The following PLEK variants were observed in gnomAD, a reference collection of about 807,000 sequenced individuals.
PLEK encodes platelet 47 kDa protein.
In PLEK, 25 loss-of-function variants were observed where a neutral mutation model predicts 43.9. The ratio of observed to expected loss-of-function variants is 0.57; its 90% CI spans 0.41 to 0.79. PLEK has a LOEUF of 0.79. PLEK is among the 30% of genes least tolerant of loss of function. The pLI, the probability that PLEK is intolerant of heterozygous loss-of-function variation, is 0.00. For missense variants in PLEK, 396 were observed against 413.3 expected (o/e 0.96, Z 0.36); for synonymous variants, 152 against 144.4 (o/e 1.05, Z -0.38).
chr2:68,365,332 C>T lies in PLEK; in HGVS notation c.-20C>T, dbSNP rs370508175. The T allele has an allele frequency of 4.8e-5, 77 of 1,612,364 alleles. No homozygotes were observed. Among genetic ancestry groups the T allele is most frequent in the Non-Finnish European group, 6.4e-5 (76 of 1,178,628 alleles). On this transcript the variant is annotated 5_prime_UTR_variant, in exon 1 of 9. Transcript: ENST00000234313. ...AGGAGTTGCCTGAGAGTGACCTTTG[C>T]ATCTGCCTGTCCAGCCAGCATGGAA...
intron 8 of PLEK, 44 bp from the exon 9 acceptor site, chr2:68,395,636 T>C: frequency 6.2e-7 from 1 of 1,612,672 alleles, no homozygotes; most frequent in Non-Finnish European, 8.5e-7. Context: ...CAAGTGGTCT[T>C]TCTGATGCCT....
chr2:68,395,324 A>G (rs17035449), intron 8 of PLEK, among the ~76,000 whole-genome samples: 2,286 of 151,940 alleles, frequency 0.015, 116 homozygotes, highest in East Asian at 0.13. Context: ...AGCAGAGGGA[A>G]GGTACCCATT....
chr2:68,381,927 A>C (rs1025596863), intron 3 of PLEK, among the ~76,000 whole-genome samples: 2 of 152,176 alleles, frequency 1.3e-5, no homozygotes, highest in African/African-American at 4.8e-5. Flanking sequence ...GGCTATAGGG[A>C]GCCACAGGCT....
At chr2:68,379,835 G>A (rs1673576423) in intron 1 of PLEK, among the ~76,000 whole-genome samples, 3 of 152,146 alleles carry the variant, frequency 2.0e-5, no homozygotes, top group South Asian at 4.1e-4. Context: ...TCAGTATCAT[G>A]AACCAAGGAA....
Position 68,365,404 on chromosome 2 carries a change from G to T in PLEK, c.42+11G>T, listed in dbSNP as rs764730004. The T allele has an allele frequency of 1.2e-6, 2 of 1,611,968 alleles. No homozygotes were observed. ...TACCTTGTGAAGAAGGTGAGCGAAG[G>T]TGCCACTTACCAGGGTGTCAGTGGA... On this transcript the variant is annotated intron_variant, in intron 1 of 8. Coordinates refer to ENST00000234313, the MANE Select transcript of PLEK (RefSeq NM_002664.3).
At chr2:68,365,559 A>G (rs1558493934) in intron 1 of PLEK, 166 bp downstream of exon 1, 2 of 596,054 alleles carry the variant, frequency 3.4e-6, no homozygotes, top group East Asian at 6.0e-5. Flanking sequence ...GGGTTAGGGG[A>G]GTGGGGATAC....
intron 4 of PLEK, among the ~76,000 whole-genome samples, chr2:68,386,146 T>C (rs1467444920): frequency 6.6e-6 from 1 of 151,860 alleles, no homozygotes; most frequent in Non-Finnish European, 1.5e-5. Context: ...GGGTACATAT[T>C]TTTTGAGATG....
At chr2:68,365,622 G>C in intron 1 of PLEK, 1 of 488,860 alleles carries the variant, frequency 2.0e-6, no homozygotes, top group East Asian at 3.7e-5. Flanking sequence ...GAGAATTCCA[G>C]ATGGCAGGGC....
chr2:68,377,259 G>A (rs1049782470), intron 1 of PLEK, among the ~76,000 whole-genome samples: 10 of 152,112 alleles, frequency 6.6e-5, no homozygotes, highest in Admixed American at 1.3e-4. Flanking sequence ...TCCATATACC[G>A]ATTTCCTTTC....
chr2:68,380,390 C>G lies in PLEK; in HGVS notation c.105C>G (p.Phe35Leu). The G allele has an allele frequency of 6.2e-7, 1 of 1,613,388 alleles. No individual in the cohort carries two copies. Among genetic ancestry groups the G allele is most frequent in the Non-Finnish European group, 8.5e-7 (1 of 1,179,340 alleles). The change falls in exon 2 of 9, where the codon TTC becomes TTG. Residue 35 changes from phenylalanine to leucine, a missense_variant. By Grantham distance (22) the Phe-to-Leu change is conservative. Coordinates refer to ENST00000234313, the MANE Select transcript of PLEK (RefSeq NM_002664.3). ...WVVLLEDGIE[F>L]YKKKSDNSPK... ...TATTGTTAGAAGATGGAATTGAATTCTATAAGAAGAAAAGTGACAACAGCC... is the reference window on the plus strand; with the variant it reads ...TATTGTTAGAAGATGGAATTGAATTGTATAAGAAGAAAAGTGACAACAGCC...
At chr2:68,384,063 A>G (rs745513592) in intron 4 of PLEK, among the ~76,000 whole-genome samples, 2 of 152,142 alleles carry the variant, frequency 1.3e-5, no homozygotes, top group Non-Finnish European at 2.9e-5. Flanking sequence ...GGGCATTTCA[A>G]TGTAGACTTG....
intron 1 of PLEK, among the ~76,000 whole-genome samples, chr2:68,368,938 A>AGCAGCAGGGAAAGGGAAGGGCAT (rs1673338860): frequency 1.3e-5 from 2 of 152,196 alleles, no homozygotes; most frequent in Admixed American, 6.5e-5. Context: ...GGGAAGGGCA[A>AGCAGCAGGGAAAGGGAAGGGCAT]GCAGCAGGGA....
At chr2:68,365,658 T>G in intron 1 of PLEK, 1 of 402,548 alleles carries the variant, frequency 2.5e-6, no homozygotes, top group South Asian at 2.5e-5. Context: ...CTAAGCTAAC[T>G]CCCTCCAGAT....
chr2:68,367,608 A>C (rs966035118), intron 1 of PLEK, among the ~76,000 whole-genome samples: 3 of 152,204 alleles, frequency 2.0e-5, no homozygotes, highest in Non-Finnish European at 2.9e-5. Context: ...TGGGTTAAAA[A>C]CTGTATATGT....
intron 6 of PLEK, among the ~76,000 whole-genome samples, chr2:68,390,274 A>C (rs867912547): frequency 3.3e-5 from 5 of 152,326 alleles, no homozygotes; most frequent in Middle Eastern, 3.4e-3. Context: ...TCTCCCAGGG[A>C]ACTGTTAAAA....
chr2:68,386,438 G>T, intron 4 of PLEK, 64 bp from the exon 5 acceptor site: 3 of 1,321,382 alleles, frequency 2.3e-6, no homozygotes, highest in Non-Finnish European at 3.2e-6. Flanking sequence ...CAGTTCAGGG[G>T]TGATTGTCAG....
At position 68,397,398 on chromosome 2, in the gene PLEK, A is replaced by G. The variant is rs1268729083; in HGVS notation, c.*1582A>G. On this transcript the variant is annotated 3_prime_UTR_variant, in exon 9 of 9. Coordinates refer to ENST00000234313, the MANE Select transcript of PLEK (RefSeq NM_002664.3). ...TTCTACACTCAGTGTTAAAGTATTTATTAATGGGAAGTCAACTTAATGTTT... is the reference window on the plus strand; with the variant it reads ...TTCTACACTCAGTGTTAAAGTATTTGTTAATGGGAAGTCAACTTAATGTTT... 6.6e-6 allele frequency: 1 copy of G among 152,236 alleles called. No homozygotes were observed. Among genetic ancestry groups the G allele is most frequent in the Non-Finnish European group, 1.5e-5 (1 of 68,036 alleles). The allele number at this position is 152,236 out of a possible 1,614,324, so 9.4% of individuals were successfully genotyped here.
chr2:68,375,230 T>A (rs1673480489), intron 1 of PLEK, among the ~76,000 whole-genome samples: 1 of 152,212 alleles, frequency 6.6e-6, no homozygotes, highest in Non-Finnish European at 1.5e-5. Context: ...TGCTAGGTAC[T>A]CTAGCAGGTG....
chr2:68,375,347 C>T (rs759888034), intron 1 of PLEK, among the ~76,000 whole-genome samples: 19 of 152,102 alleles, frequency 1.2e-4, no homozygotes, highest in Non-Finnish European at 2.1e-4. Context: ...AGTGCCTGCT[C>T]GATACTTTTT....
Sources: allele counts gnomAD v4.1 joint callset (sites outside exome capture counted in the v4.1 genomes callset), GRCh38; gene constraint gnomAD v4.1.1; transcripts MANE v1.5; gene names NCBI Gene and HGNC (gene_info 2026-07-23, HGNC 2026-07-21).